The following CBFA2T3 variants were observed in gnomAD, a reference collection of about 807,000 sequenced individuals.
The protein encoded by CBFA2T3 is transcriptional corepressor CBFA2T3.
Under a neutral mutation model 58.6 loss-of-function variants are expected in CBFA2T3, and 31 were observed. The observed-to-expected ratio is 0.53, with a 90% CI of 0.40 to 0.71. The LOEUF (loss-of-function observed/expected upper bound fraction) is 0.71, where lower values mean the gene tolerates loss of function less well. Ranked by LOEUF, CBFA2T3 falls within the 30% of genes least tolerant of loss-of-function variation. The probability of loss-of-function intolerance (pLI) is 0.00; values close to 1 mark genes in which losing one functional copy is unlikely to be tolerated. For synonymous variants in CBFA2T3, 531 were observed against 421.9 expected, an observed-to-expected ratio of 1.26 and a Z score of -3.17; for missense variants, 1,076 against 963.1, an observed-to-expected ratio of 1.12 and a Z score of -1.55.
In CBFA2T3 at chr16:88,929,225, G is replaced by A. The variant is rs1024647912; in HGVS notation, c.152-27569C>T. Reference sequence around the variant, plus strand: ...AGGACAGCAGCTTGCAGGCAGTCTGGCTGCCGCTGTGCAAACAACCCAGGG... The same window carrying A: ...AGGACAGCAGCTTGCAGGCAGTCTGACTGCCGCTGTGCAAACAACCCAGGG... On this transcript the variant is annotated intron_variant, in intron 1 of 11. Coordinates refer to ENST00000268679, the MANE Select transcript of CBFA2T3 (RefSeq NM_005187.6). Among the ~76,000 whole-genome samples the A allele has an allele frequency of 3.3e-5, 5 of 152,206 alleles. No homozygotes were observed. In the East Asian group the frequency reaches 9.7e-4, roughly 29 times the overall value.
intron 1 of CBFA2T3, among the ~76,000 whole-genome samples, chr16:88,932,228 C>T (rs1456134420): frequency 1.6e-5 from 2 of 126,280 alleles, no homozygotes; most frequent in Non-Finnish European, 3.2e-5. Flanking sequence ...GCTTCCCCCT[C>T]ACATGGCCCC....
chr16:88,880,620 G>C (rs1002062763), intron 10 of CBFA2T3, 100 bp downstream of exon 10: 1 of 992,884 alleles, frequency 1.0e-6, no homozygotes, highest in Non-Finnish European at 1.5e-6. Context: ...TGAGCCCCCA[G>C]AGAGAGACAG....
intron 1 of CBFA2T3, among the ~76,000 whole-genome samples, chr16:88,917,785 G>GC: frequency 6.6e-6 from 1 of 152,314 alleles, no homozygotes; most frequent in Middle Eastern, 3.4e-3. Context: ...CATGTGATGT[G>GC]CGCACGTATG....
intron 5 of CBFA2T3, among the ~76,000 whole-genome samples, chr16:88,889,979 T>C (rs9746103): frequency 0.19 from 19,191 of 101,096 alleles, 3,357 homozygotes; most frequent in East Asian, 0.46. Flanking sequence ...CGACGCCCCG[T>C]GATTCCTCCT....
chr16:88,912,525 C>T (rs763676029), intron 1 of CBFA2T3, among the ~76,000 whole-genome samples: 1 of 152,228 alleles, frequency 6.6e-6, no homozygotes, highest in Non-Finnish European at 1.5e-5. Context: ...GAGAAGCCTT[C>T]CCTGACCGCC....
intron 1 of CBFA2T3, among the ~76,000 whole-genome samples, chr16:88,975,138 TGCAG>T (rs1567643815): frequency 0.018 from 2,620 of 144,152 alleles, 141 homozygotes; most frequent in Admixed American, 0.03. Context: ...GCTCCTGACC[TGCAG>T]CCATGTCAGA....
chr16:88,925,061 G>T (rs757251468), intron 1 of CBFA2T3, among the ~76,000 whole-genome samples: 1 of 152,264 alleles, frequency 6.6e-6, no homozygotes. Context: ...GCCCAAGGGG[G>T]AAGCAGTGGA....
chr16:88,964,724 C>T (rs1242658770), intron 1 of CBFA2T3, among the ~76,000 whole-genome samples: 1 of 152,104 alleles, frequency 6.6e-6, no homozygotes, highest in Non-Finnish European at 1.5e-5. Context: ...TCTTCCCATC[C>T]ATCTATCCAC....
chr16:88,898,205 T>C, intron 2 of CBFA2T3, 53 bp from the exon 3 acceptor site: 1 of 1,417,280 alleles, frequency 7.1e-7, no homozygotes, highest in Non-Finnish European at 9.9e-7. Context: ...GGCAGGAGAC[T>C]CTGCCCTCAG....
At chr16:88,972,943 G>C (rs1034059909) in intron 1 of CBFA2T3, among the ~76,000 whole-genome samples, 1 of 152,176 alleles carries the variant, frequency 6.6e-6, no homozygotes, top group African/African-American at 2.4e-5. Flanking sequence ...CTGCCTGTCT[G>C]TCTGTCTGTG....
rs369184647 is a variant in CBFA2T3 at position 88,976,660 on chromosome 16, G to A, written c.148C>T (p.Pro50Ser). 598 of 1,559,898 alleles carry A rather than the reference G, an allele frequency of 3.8e-4. 1 individual carries two copies. The highest frequency in any genetic ancestry group is 5.0e-4 in the Non-Finnish European group (580 of 1,151,894). ...SAPRGPRKGG[P>S]APVDRKAKAS... ...ACCTTCCCCTCGAGCCTCTTACCTG[G>A]GCCGCCCTTCCTGGGACCCCGGGGT... The change falls in exon 1 of 12, where the codon CCA becomes TCA. Residue 50 changes from proline to serine, a missense_variant. Pro to Ser is a moderately conservative substitution (Grantham distance 74). Coordinates refer to ENST00000268679, the MANE Select transcript of CBFA2T3 (RefSeq NM_005187.6).
chr16:88,880,626 G>A (rs960643381), intron 10 of CBFA2T3, 94 bp downstream of exon 10: 6 of 1,046,168 alleles, frequency 5.7e-6, no homozygotes, highest in South Asian at 1.4e-5. Context: ...CCCAGAGAGA[G>A]ACAGAAGCTC....
At chr16:88,922,145 G>C (rs746578088) in intron 1 of CBFA2T3, among the ~76,000 whole-genome samples, 19 of 152,224 alleles carry the variant, frequency 1.2e-4, no homozygotes, top group Non-Finnish European at 2.6e-4. Context: ...CCACACTTTG[G>C]GTGGGGGTAC....
chr16:88,909,671 G>C (rs59333997), intron 1 of CBFA2T3, among the ~76,000 whole-genome samples: 1 of 152,152 alleles, frequency 6.6e-6, no homozygotes, highest in Non-Finnish European at 1.5e-5. Flanking sequence ...GAAAGGCACA[G>C]ATGTGCAAAG....
chr16:88,903,691 T>TGGG (rs199576024), intron 1 of CBFA2T3, among the ~76,000 whole-genome samples: 57 of 37,202 alleles, frequency 1.5e-3, no homozygotes, highest in African/African-American at 3.4e-3. Context: ...GGGGCATTCC[T>TGGG]GGGGGGGGCG....
intron 5 of CBFA2T3, among the ~76,000 whole-genome samples, chr16:88,888,196 C>A (rs912070524): frequency 6.6e-6 from 1 of 151,824 alleles, no homozygotes; most frequent in Non-Finnish European, 1.5e-5. Context: ...CAAGCAGGCC[C>A]CCACTCTCTC....
chr16:88,903,184 G>A (rs1970167707), intron 1 of CBFA2T3, among the ~76,000 whole-genome samples: 1 of 152,242 alleles, frequency 6.6e-6, no homozygotes, highest in Non-Finnish European at 1.5e-5. Flanking sequence ...GAAGGTGACG[G>A]ATAAATGACT....
chr16:88,948,524 C>T (rs930222222), intron 1 of CBFA2T3, among the ~76,000 whole-genome samples: 4 of 152,324 alleles, frequency 2.6e-5, no homozygotes, highest in East Asian at 1.9e-4. Flanking sequence ...GAGACCCTCC[C>T]GGAGGCAGGG....
chr16:88,925,145 C>CA (rs1456367985), intron 1 of CBFA2T3, among the ~76,000 whole-genome samples: 1 of 152,242 alleles, frequency 6.6e-6, no homozygotes, highest in Non-Finnish European at 1.5e-5. Context: ...CCTGGGGCAG[C>CA]AGGCCATGTC....
Sources: allele counts gnomAD v4.1 joint callset (sites outside exome capture counted in the v4.1 genomes callset), GRCh38; gene constraint gnomAD v4.1.1; transcripts MANE v1.5; gene names NCBI Gene and HGNC (gene_info 2026-07-23, HGNC 2026-07-21).